The following CD4 variants were observed in gnomAD, a reference collection of about 807,000 sequenced individuals.
The protein encoded by CD4 is T-cell surface glycoprotein CD4.
A neutral mutation model predicts 50.5 loss-of-function variants in CD4; 25 were observed. The ratio of observed to expected loss-of-function variants is 0.49; its 90% CI spans 0.36 to 0.69. The LOEUF is 0.69. CD4 is among the 30% of genes least tolerant of loss of function. The pLI is 0.00. For missense variants in CD4, 456 were observed against 548.5 expected (o/e 0.83, Z 1.68); for synonymous variants, 207 against 221.9 (o/e 0.93, Z 0.60).
At chr12:6,796,324 C>T (rs1404087267) in intron 1 of CD4, among the ~76,000 whole-genome samples, 1 of 152,180 alleles carries the variant, frequency 6.6e-6, no homozygotes, top group African/African-American at 2.4e-5. Flanking sequence ...GTAGGCAGAT[C>T]GTCACCAAGC....
chr12:6,813,851 C>A (rs186497788), intron 3 of CD4, among the ~76,000 whole-genome samples: 1 of 152,070 alleles, frequency 6.6e-6, no homozygotes, highest in Non-Finnish European at 1.5e-5. Flanking sequence ...ATCTATTTCT[C>A]GGAATTATTG....
intron 3 of CD4, 103 bp from the exon 4 acceptor site, chr12:6,814,039 G>A: frequency 9.9e-7 from 1 of 1,013,790 alleles, no homozygotes; most frequent in African/African-American, 1.6e-5. Flanking sequence ...AGATGTTGCA[G>A]GAAATTAGCA....
In CD4 at chr12:6,793,695, TCTATCTA is replaced by T. The variant is rs1565488199; in HGVS notation, c.-68+4034_-68+4040del. Among the ~76,000 whole-genome samples the T allele has an allele frequency of 3.2e-3, 332 of 104,920 alleles. 6 individuals carry two copies. Among genetic ancestry groups the T allele is most frequent in the African/African-American group, 0.011 (255 of 22,522 alleles). 68.8% of individuals were successfully genotyped at this position (104,920 alleles called of 152,430 possible). On this transcript the variant is annotated intron_variant, in intron 1 of 9. Transcript: ENST00000011653. ...ATCTATCTATCTATCTATCTATCTATCTATCTATCTTTTTTTTTTTTGAGACAAAATC... is the reference window on the plus strand; with the variant it reads ...ATCTATCTATCTATCTATCTATCTATTCTTTTTTTTTTTTGAGACAAAATC...
intron 9 of CD4, among the ~76,000 whole-genome samples, 179 bp from the exon 10 acceptor site, chr12:6,819,120 G>A (rs1044850684): frequency 1.3e-5 from 2 of 151,990 alleles, no homozygotes; most frequent in Non-Finnish European, 2.9e-5. Flanking sequence ...GGGAAAAGAT[G>A]GCCAGGAGCT....
rs782805077 is a variant in CD4 at position 6,819,271 on chromosome 12, C to G, written c.1347-28C>G. On this transcript the variant is annotated intron_variant, in intron 9 of 9. Transcript: ENST00000011653. ...CAAAGGGGTTGCAGTGGGGACAGAC[C>G]TGCTCCCCTTCTTCTTTGTTCCTGC... is the stretch of plus-strand genomic sequence containing the variant. 1.1e-5 allele frequency: 17 copies of G among 1,612,982 alleles called. No individual in the cohort carries two copies. The East Asian group carries it at 3.8e-4, about 36-fold the overall frequency.
chr12:6,804,301 T>C (rs1555115839), intron 3 of CD4, among the ~76,000 whole-genome samples: 1 of 152,148 alleles, frequency 6.6e-6, no homozygotes, highest in African/African-American at 2.4e-5. Context: ...CTTACTACTC[T>C]TATTCAACAT....
rs1259896751 is a variant in CD4, at chr12:6,816,063, G to A, written c.615G>A (p.Gln205=). The A allele has an allele frequency of 1.1e-5, 17 of 1,613,932 alleles. No individual in the cohort carries two copies. The highest frequency in any genetic ancestry group is 1.4e-5 in the Non-Finnish European group (17 of 1,180,016). The change falls in exon 6 of 10, where the codon CAG becomes CAA. Residue 205 remains glutamine, a synonymous_variant. Coordinates refer to ENST00000011653, the MANE Select transcript of CD4 (RefSeq NM_000616.5). This position sits in a 1 kb window ranked among gnomAD's most constrained non-coding sequence, Gnocchi z 4.9. ...CTCCCTTCCCACCTCCAGCTTTCCA[G>A]AAGGCCTCCAGCATAGTCTATAAGA... ...FKIDIVVLAF[Q]KASSIVYKKE...
intron 3 of CD4, among the ~76,000 whole-genome samples, chr12:6,805,573 AAAAG>A (rs1555116037): frequency 2.6e-5 from 4 of 151,956 alleles, no homozygotes; most frequent in Admixed American, 6.6e-5. Flanking sequence ...GAAAAAAAAA[AAAAG>A]AAAAAAGAAA....
chr12:6,801,981 C>A (rs1306762522), intron 3 of CD4, among the ~76,000 whole-genome samples: 1 of 150,738 alleles, frequency 6.6e-6, no homozygotes, highest in Non-Finnish European at 1.5e-5. Context: ...TCAAGCAATT[C>A]TCCTGCCTCA....
rs1943084283 is a variant in CD4, at chr12:6,816,349, C to T, written c.901C>T (p.Leu301Phe). Reference sequence around the variant, plus strand: ...TGGCTCTGGAAACCTCACCCTGGCCCTTGAAGCGAAAACAGGAAAGTTGCA... The same window carrying T: ...TGGCTCTGGAAACCTCACCCTGGCCTTTGAAGCGAAAACAGGAAAGTTGCA... ...YAGSGNLTLA[L>F]EAKTGKLHQE... The change falls in exon 6 of 10, where the codon CTT becomes TTT. Residue 301 changes from leucine to phenylalanine, a missense_variant. By Grantham distance (22) the Leu-to-Phe change is conservative. Transcript: ENST00000011653. The surrounding 1 kb of genome is among the most constrained non-coding windows in gnomAD (Gnocchi z 4.9). 6.2e-7 allele frequency: 1 copy of T among 1,614,106 alleles called. No individual in the cohort carries two copies. The highest frequency in any genetic ancestry group is 8.5e-7 in the Non-Finnish European group (1 of 1,180,034).
intron 1 of CD4, among the ~76,000 whole-genome samples, chr12:6,795,444 A>G (rs1311427759): frequency 6.6e-6 from 1 of 152,208 alleles, no homozygotes; most frequent in Non-Finnish European, 1.5e-5. Context: ...CCACCGTAAG[A>G]GGACCAAGCC....
chr12:6,818,630 C>A lies in CD4; in HGVS notation c.1278+88C>A. ...TCCTGTATATGGGAACTGATTTTGG[C>A]CCAGCTCCCTCTGCCCACTCGTAAG... On this transcript the variant is annotated intron_variant, in intron 8 of 9. Coordinates refer to ENST00000011653, the MANE Select transcript of CD4 (RefSeq NM_000616.5). The surrounding 1 kb of genome is among the most constrained non-coding windows in gnomAD (Gnocchi z 5.0). 1.3e-6 allele frequency: 2 copies of A among 1,533,328 alleles called. No homozygotes were observed. Among genetic ancestry groups the A allele is most frequent in the Non-Finnish European group, 1.8e-6 (2 of 1,116,988 alleles). 95.0% of individuals were successfully genotyped at this position (1,533,328 alleles called of 1,614,324 possible).
At position 6,818,936 on chromosome 12, in the gene CD4, T is replaced by C. The variant is rs1273615927; in HGVS notation, c.1346+22T>C. ...CTCAGTAAGGATCTGGGAGGAGGGG[T>C]TGAGAGAGGGGAAAGGGGGAGGGGG... On this transcript the variant is annotated intron_variant, in intron 9 of 9. Coordinates refer to ENST00000011653, the MANE Select transcript of CD4 (RefSeq NM_000616.5). The surrounding 1 kb of genome is among the most constrained non-coding windows in gnomAD (Gnocchi z 5.0). 3 of 1,367,422 alleles carry C rather than the reference T, an allele frequency of 2.2e-6. No individual in the cohort carries two copies. Among genetic ancestry groups the C allele is most frequent in the African/African-American group, 3.3e-5 (2 of 60,476 alleles). 84.7% of individuals were successfully genotyped at this position (1,367,422 alleles called of 1,614,324 possible).
In CD4 at chr12:6,792,601, C is replaced by T. The variant is rs567207331; in HGVS notation, c.-68+2939C>T. 2.0e-5 allele frequency among the ~76,000 whole-genome samples: 3 copies of T among 152,214 alleles called. No homozygotes were observed. The highest frequency in any genetic ancestry group is 1.9e-4 in the East Asian group (1 of 5,186). On this transcript the variant is annotated intron_variant, in intron 1 of 9. Coordinates refer to ENST00000011653, the MANE Select transcript of CD4 (RefSeq NM_000616.5). This position sits in a 1 kb window ranked among gnomAD's most constrained non-coding sequence, Gnocchi z 4.1. ...GGAACTCTGTCCATTTCCCTTTGTC[C>T]ATGTGTCCCTCCCACCCTGCAGCCG...
intron 1 of CD4, among the ~76,000 whole-genome samples, chr12:6,797,573 T>C (rs974258471): frequency 3.3e-5 from 5 of 152,126 alleles, no homozygotes; most frequent in Non-Finnish European, 7.3e-5. Flanking sequence ...GTTCCCTCAG[T>C]ATTTATTGAT....
In CD4 at chr12:6,808,079, C is replaced by CAAAAAA. The variant is rs34876182; in HGVS notation, c.215-6044_215-6039dup. Among the ~76,000 whole-genome samples the CAAAAAA allele has an allele frequency of 3.3e-3, 228 of 70,136 alleles. 1 individual carries two copies. Among genetic ancestry groups the CAAAAAA allele is most frequent in the African/African-American group, 9.1e-3 (201 of 22,014 alleles). 46.0% of individuals were successfully genotyped at this position (70,136 alleles called of 152,430 possible). ...TGGGCGACAGAGTGAGGCTCTTTCT[C>CAAAAAA]AAAAAAAAAAAAAAAAAAAAAAAAG... On this transcript the variant is annotated intron_variant, in intron 3 of 9. Coordinates refer to ENST00000011653, the MANE Select transcript of CD4 (RefSeq NM_000616.5).
chr12:6,814,404 C>T (rs1943031231), intron 4 of CD4, 104 bp downstream of exon 4: 1 of 1,229,862 alleles, frequency 8.1e-7, no homozygotes, highest in Admixed American at 2.5e-5. Flanking sequence ...ACCGCAGCAG[C>T]CCCAAGAGGA....
At chr12:6,804,565 C>T (rs1591551534) in intron 3 of CD4, among the ~76,000 whole-genome samples, 1 of 152,212 alleles carries the variant, frequency 6.6e-6, no homozygotes, top group African/African-American at 2.4e-5. Flanking sequence ...ATTAAAACTA[C>T]AATACCATTT....
chr12:6,799,515 T>A (rs895072698), intron 1 of CD4: 3 of 153,614 alleles, frequency 2.0e-5, no homozygotes, highest in Non-Finnish European at 4.3e-5. Context: ...TTCTCTGTAG[T>A]ACATGTGCAT....
Sources: allele counts gnomAD v4.1 joint callset (sites outside exome capture counted in the v4.1 genomes callset), GRCh38; gene constraint gnomAD v4.1.1; non-coding constraint Gnocchi (gnomAD v3.1); transcripts MANE v1.5; gene names NCBI Gene and HGNC (gene_info 2026-07-23, HGNC 2026-07-21).